BMPR1B: variants seen among roughly 807,000 people sequenced by gnomAD.
BMPR1B encodes the protein bone morphogenetic protein receptor type 1B, also known as bone morphogenetic protein receptor type-1B.
A neutral mutation model predicts 59.1 loss-of-function variants in BMPR1B; 12 were observed. The observed-to-expected ratio is 0.20, with a 90% CI of 0.13 to 0.33. The LOEUF (loss-of-function observed/expected upper bound fraction) is 0.33, where lower values mean the gene tolerates loss of function less well. Among genes scored for constraint, BMPR1B ranks in the 10% least tolerant of loss-of-function variants. The probability of loss-of-function intolerance (pLI) is 1.00; values close to 1 mark genes in which losing one functional copy is unlikely to be tolerated. For missense variants in BMPR1B, 550 were observed against 610.9 expected (o/e 0.90, Z 1.05); for synonymous variants, 237 against 207.3 (o/e 1.14, Z -1.23).
chr4:94,800,278 G>A (rs544455677), intron 1 of BMPR1B, among the ~76,000 whole-genome samples: 14 of 152,292 alleles, frequency 9.2e-5, no homozygotes, highest in South Asian at 6.2e-4. Flanking sequence ...GGATTCAGAT[G>A]TGAGATTTTG....
intron 1 of BMPR1B, among the ~76,000 whole-genome samples, chr4:94,868,329 C>T (rs1346450090): frequency 6.6e-6 from 1 of 151,994 alleles, no homozygotes; most frequent in Non-Finnish European, 1.5e-5. Context: ...CCACTACCAC[C>T]CAGCTAATTT....
At chr4:95,006,831 G>T (rs149138223) in intron 3 of BMPR1B, among the ~76,000 whole-genome samples, 1 of 151,910 alleles carries the variant, frequency 6.6e-6, no homozygotes, top group Non-Finnish European at 1.5e-5. Context: ...GAGCCACCAC[G>T]CCCAGCCCTA....
intron 1 of BMPR1B, among the ~76,000 whole-genome samples, chr4:94,865,874 G>C (rs1175032781): frequency 6.6e-6 from 1 of 151,970 alleles, no homozygotes; most frequent in Non-Finnish European, 1.5e-5. Flanking sequence ...ATAGGATAGT[G>C]GTCTTATCAA....
chr4:95,136,385 T>C (rs940145950), intron 10 of BMPR1B, among the ~76,000 whole-genome samples: 1 of 152,172 alleles, frequency 6.6e-6, no homozygotes, highest in African/African-American at 2.4e-5. Context: ...TTTTGTTGTG[T>C]CTCTGCCAGG....
chr4:95,102,723 G>A (rs571986573), intron 3 of BMPR1B, among the ~76,000 whole-genome samples: 1 of 152,154 alleles, frequency 6.6e-6, no homozygotes, highest in Non-Finnish European at 1.5e-5. Flanking sequence ...GCAGTGACGT[G>A]AACTATTTAA....
At chr4:94,800,965 G>A (rs144926607) in intron 1 of BMPR1B, among the ~76,000 whole-genome samples, 131 of 152,262 alleles carry the variant, frequency 8.6e-4, no homozygotes, top group African/African-American at 2.9e-3. Flanking sequence ...ATGGGTATAG[G>A]TAGATTAGTC....
At chr4:94,976,599 A>G (rs1867543) in intron 2 of BMPR1B, among the ~76,000 whole-genome samples, 150,391 of 152,312 alleles carry the variant, frequency 0.99, 74,250 homozygotes, top group Middle Eastern at 1. Context: ...AATTCCAGAC[A>G]CAGATAAGGC....
At chr4:94,881,240 T>C (rs896410399) in intron 2 of BMPR1B, among the ~76,000 whole-genome samples, 12 of 152,182 alleles carry the variant, frequency 7.9e-5, no homozygotes, top group Admixed American at 5.2e-4. Flanking sequence ...TTATGCTTAC[T>C]GTCTCTGTGA....
chr4:94,953,571 T>C (rs1438657726), intron 2 of BMPR1B, among the ~76,000 whole-genome samples: 1 of 151,776 alleles, frequency 6.6e-6, no homozygotes, highest in Non-Finnish European at 1.5e-5. Flanking sequence ...TTTAAGAATG[T>C]TGAATATTGG....
intron 3 of BMPR1B, among the ~76,000 whole-genome samples, chr4:95,041,611 C>CT (rs71583682): frequency 0.68 from 98,200 of 145,464 alleles, 33,327 homozygotes; most frequent in Middle Eastern, 0.79. Flanking sequence ...ACTGAATGGA[C>CT]TTTTTTTTTT....
rs1578933547 is a variant in BMPR1B at position 95,016,956 on chromosome 4, T to G, written c.-18+20822T>G. On this transcript the variant is annotated intron_variant, in intron 3 of 12. Coordinates refer to ENST00000515059, the MANE Select transcript of BMPR1B (RefSeq NM_001203.3). ...TTATAGGGAGACACAGCAGCATTGG[T>G]CAGACAAGACAACAGTAGGGAGAAA... 2.6e-5 allele frequency among the ~76,000 whole-genome samples: 4 copies of G among 152,328 alleles called. 1 individual carries two copies. In the South Asian group the frequency reaches 8.3e-4, roughly 32 times the overall value.
intron 3 of BMPR1B, among the ~76,000 whole-genome samples, chr4:95,082,271 T>G (rs1030122252): frequency 1.3e-5 from 2 of 151,704 alleles, no homozygotes; most frequent in African/African-American, 4.8e-5. Flanking sequence ...GAAAATTTGG[T>G]ATCCTCAGTC....
At position 95,154,949 on chromosome 4, in the gene BMPR1B, A is replaced by AT. The variant is rs1735312679; in HGVS notation, c.*280dup. On this transcript the variant is annotated 3_prime_UTR_variant, in exon 13 of 13. Coordinates refer to ENST00000515059, the MANE Select transcript of BMPR1B (RefSeq NM_001203.3). ...ATGTTGCTTTCTAAGAAAGCCCTGT[A>AT]TTTTGTGATTGCCTTTTTTTTTTTT... 1 of 391,468 alleles carries AT rather than the reference A, an allele frequency of 2.6e-6. No homozygotes were observed. The highest frequency in any genetic ancestry group is 2.1e-5 in the African/African-American group (1 of 48,118). 24.2% of individuals were successfully genotyped at this position (391,468 alleles called of 1,614,324 possible).
intron 1 of BMPR1B, among the ~76,000 whole-genome samples, chr4:94,777,613 G>T (rs764081395): frequency 6.6e-6 from 1 of 151,924 alleles, no homozygotes; most frequent in Non-Finnish European, 1.5e-5. Context: ...ACCCTTTTTT[G>T]ATATGCAAAA....
At chr4:94,822,712 CT>C (rs1289218152) in intron 1 of BMPR1B, among the ~76,000 whole-genome samples, 1 of 152,160 alleles carries the variant, frequency 6.6e-6, no homozygotes, top group African/African-American at 2.4e-5. Context: ...CTGCCATAGA[CT>C]TAGCACCCAG....
intron 6 of BMPR1B, among the ~76,000 whole-genome samples, chr4:95,117,024 A>C (rs1303839009): frequency 6.6e-6 from 1 of 152,104 alleles, no homozygotes; most frequent in African/African-American, 2.4e-5. Context: ...TCATTAGTAG[A>C]GTTAGATTAT....
At chr4:94,892,038 T>C (rs1437092579) in intron 2 of BMPR1B, among the ~76,000 whole-genome samples, 1 of 151,978 alleles carries the variant, frequency 6.6e-6, no homozygotes, top group Non-Finnish European at 1.5e-5. Flanking sequence ...TCATTAAGAG[T>C]GGTCCTTTTC....
intron 1 of BMPR1B, among the ~76,000 whole-genome samples, chr4:94,818,861 A>G (rs1724104350): frequency 6.6e-6 from 1 of 152,126 alleles, no homozygotes; most frequent in Non-Finnish European, 1.5e-5. Flanking sequence ...GCTAGGTGTG[A>G]TGGCTCATGC....
intron 3 of BMPR1B, among the ~76,000 whole-genome samples, chr4:95,070,113 AAAACAAAC>A (rs547378084): frequency 5.3e-5 from 8 of 152,220 alleles, no homozygotes; most frequent in African/African-American, 1.4e-4. Flanking sequence ...GTCACAAAAC[AAAACAAAC>A]AAACAAACAA....
Sources: gnomAD v4.1 joint callset for allele counts (sites outside exome capture counted in the v4.1 genomes callset) on GRCh38, gnomAD v4.1.1 for gene constraint, MANE v1.5 for transcripts, NCBI Gene and HGNC (gene_info 2026-07-23, HGNC 2026-07-21) for gene names.